The following RCHY1 variants were observed in gnomAD, a reference collection of about 807,000 sequenced individuals.
RCHY1 encodes the protein RING finger and CHY zinc finger domain-containing protein 1.
In RCHY1, 21 loss-of-function variants were observed where a neutral mutation model predicts 41.6. The observed-to-expected ratio is 0.51, with a 90% CI of 0.36 to 0.73. RCHY1 has a LOEUF of 0.73. Among genes scored for constraint, RCHY1 ranks in the 30% least tolerant of loss-of-function variants. The pLI is 0.00. For missense variants in RCHY1, 265 were observed against 325.3 expected (o/e 0.81, Z 1.43); for synonymous variants, 79 against 102.9 (o/e 0.77, Z 1.41).
Position 75,490,761 on chromosome 4 carries a change from T to C in RCHY1, c.537-60A>G, listed in dbSNP as rs573536038. 43 of 1,343,564 alleles carry C rather than the reference T, an allele frequency of 3.2e-5. No individual in the cohort carries two copies. The East Asian group carries it at 6.3e-4, about 20-fold the overall frequency. 83.2% of individuals were successfully genotyped at this position (1,343,564 alleles called of 1,614,324 possible). The stretch of plus-strand genomic sequence containing the variant: ...AAACAAGAATATATTAATTCAGGTA[T>C]ACAAGAAGATGCAGGCTAACTGCCA... On this transcript the variant is annotated intron_variant, in intron 7 of 8. Transcript: ENST00000324439.
chr4:75,514,071 A>C, intron 1 of RCHY1, 126 bp downstream of exon 1: 2 of 1,433,090 alleles, frequency 1.4e-6, no homozygotes, highest in South Asian at 1.4e-5. Context: ...ACCCAGTTCC[A>C]GGTGGAAAAG....
chr4:75,503,051 T>C (rs1280337598), intron 3 of RCHY1, among the ~76,000 whole-genome samples: 1 of 152,070 alleles, frequency 6.6e-6, no homozygotes, highest in East Asian at 1.9e-4. Context: ...AGACTGAAGG[T>C]TCTCCACCTA....
intron 8 of RCHY1, among the ~76,000 whole-genome samples, chr4:75,488,628 G>A (rs1446612188): frequency 6.6e-6 from 1 of 152,180 alleles, no homozygotes; most frequent in Non-Finnish European, 1.5e-5. Flanking sequence ...CACAATCCAA[G>A]TCAAATTACC....
At chr4:75,504,377 C>G (rs1257404954) in intron 3 of RCHY1, among the ~76,000 whole-genome samples, 1 of 152,198 alleles carries the variant, frequency 6.6e-6, no homozygotes, top group Non-Finnish European at 1.5e-5. Context: ...CTTCCTCCCT[C>G]TTTTCAGCCT....
At chr4:75,507,792 T>A (rs981425815) in intron 3 of RCHY1, among the ~76,000 whole-genome samples, 4 of 152,110 alleles carry the variant, frequency 2.6e-5, no homozygotes, top group African/African-American at 9.7e-5. Context: ...TTTAAGTATG[T>A]GACCGCTGAA....
At position 75,487,629 on chromosome 4, in the gene RCHY1, TAATATATATATTC is replaced by T. The variant is rs1366639494; in HGVS notation, c.657+2939_657+2951del. Among the ~76,000 whole-genome samples the T allele has an allele frequency of 3.3e-4, 4 of 12,252 alleles. 1 individual carries two copies. The highest frequency in any genetic ancestry group is 9.1e-4 in the African/African-American group (3 of 3,294). The allele number at this position is 12,252 out of a possible 152,430, so 8.0% of individuals were successfully genotyped here. On this transcript the variant is annotated intron_variant, in intron 8 of 8. Coordinates refer to ENST00000324439, the MANE Select transcript of RCHY1 (RefSeq NM_015436.4). ...TATATATTCATAATATATATATTCA[TAATATATATATTC>T]ATATATATTCATAATATATATATTC...
chr4:75,503,850 A>C (rs1385801108), intron 3 of RCHY1, among the ~76,000 whole-genome samples: 1 of 152,216 alleles, frequency 6.6e-6, no homozygotes, highest in African/African-American at 2.4e-5. Context: ...TGTACACCAA[A>C]ATTTACTTAA....
At chr4:75,495,040 ATTAG>A (rs1723068472) in intron 3 of RCHY1, among the ~76,000 whole-genome samples, 3 of 152,122 alleles carry the variant, frequency 2.0e-5, no homozygotes, top group African/African-American at 7.2e-5. Flanking sequence ...TATCATGAAT[ATTAG>A]TTATTTATAT....
intron 8 of RCHY1, among the ~76,000 whole-genome samples, chr4:75,484,593 G>A (rs1049905836): frequency 2.0e-5 from 3 of 152,072 alleles, no homozygotes; most frequent in African/African-American, 7.2e-5. Context: ...GGAAATATGA[G>A]AGCCAAAGCC....
intron 1 of RCHY1, chr4:75,509,836 C>A: frequency 6.0e-6 from 1 of 166,926 alleles, no homozygotes. Flanking sequence ...CCATGATTCT[C>A]AGGCCTCCCT....
At chr4:75,492,370 T>C (rs1271365075) in intron 4 of RCHY1, among the ~76,000 whole-genome samples, 1 of 152,020 alleles carries the variant, frequency 6.6e-6, no homozygotes, top group Non-Finnish European at 1.5e-5. Flanking sequence ...TTCAGCACAG[T>C]ACCTGTATAA....
chr4:75,508,690 T>G (rs963878042), intron 3 of RCHY1, 130 bp downstream of exon 3: 7 of 502,550 alleles, frequency 1.4e-5, no homozygotes, highest in Non-Finnish European at 2.5e-5. Context: ...TTATCAAAAC[T>G]CACTTAATTG....
intron 1 of RCHY1, among the ~76,000 whole-genome samples, chr4:75,512,996 TG>T (rs111447343): frequency 6.7e-6 from 1 of 150,162 alleles, no homozygotes; most frequent in African/African-American, 2.5e-5. Context: ...GTGTGGTTTA[TG>T]GGGGGCACCA....
Position 75,491,604 on chromosome 4 carries a change from C to T in RCHY1, c.536+7G>A. The T allele has an allele frequency of 6.2e-7, 1 of 1,600,172 alleles. No homozygotes were observed. Among genetic ancestry groups the T allele is most frequent in the South Asian group, 1.1e-5 (1 of 90,316 alleles). ...TTACAATTATTTTTAAAATCCCAAA[C>T]ACTCACTCTTTCAACATTTCTTCAT... is the stretch of plus-strand genomic sequence containing the variant. On this transcript the variant is annotated splice_region_variant and intron_variant, in intron 7 of 8. Coordinates refer to ENST00000324439, the MANE Select transcript of RCHY1 (RefSeq NM_015436.4).
rs981273139 is a variant in RCHY1, at chr4:75,481,237, G to A, written c.*1301C>T. 1 of 152,178 alleles carries A rather than the reference G, an allele frequency of 6.6e-6. No homozygotes were observed. Among genetic ancestry groups the A allele is most frequent in the African/African-American group, 2.4e-5 (1 of 41,446 alleles). 9.4% of individuals were successfully genotyped at this position (152,178 alleles called of 1,614,324 possible). The stretch of plus-strand genomic sequence containing the variant: ...AATTTCAACAAAAGAAGAAATAAAT[G>A]TGCCAGAACTCTTAGGCTTTCTAGT... On this transcript the variant is annotated 3_prime_UTR_variant, in exon 9 of 9. Transcript: ENST00000324439.
chr4:75,482,778 G>T, intron 8 of RCHY1, 112 bp from the exon 9 acceptor site: 1 of 685,842 alleles, frequency 1.5e-6, no homozygotes, highest in Non-Finnish European at 2.0e-6. Flanking sequence ...ACATACATAA[G>T]TCTAAAAATT....
At chr4:75,510,157 T>G (rs1724728066) in intron 1 of RCHY1, among the ~76,000 whole-genome samples, 1 of 152,102 alleles carries the variant, frequency 6.6e-6, no homozygotes, top group Non-Finnish European at 1.5e-5. Flanking sequence ...TCCACCAAAA[T>G]CTATCCTCTC....
At position 75,481,450 on chromosome 4, in the gene RCHY1, TG is replaced by T. The variant is rs1721516412; in HGVS notation, c.*1087del. 6.6e-6 allele frequency: 1 copy of T among 152,206 alleles called. No individual in the cohort carries two copies. Among genetic ancestry groups the T allele is most frequent in the South Asian group, 2.1e-4 (1 of 4,832 alleles). 9.4% of individuals were successfully genotyped at this position (152,206 alleles called of 1,614,324 possible). On this transcript the variant is annotated 3_prime_UTR_variant, in exon 9 of 9. Coordinates refer to ENST00000324439, the MANE Select transcript of RCHY1 (RefSeq NM_015436.4). Reference sequence around the variant, plus strand: ...CAAACATATTTGTTAACTTTGTTCCTGAAGTAAGAGGTATATTTAATTCCAC... The same window carrying T: ...CAAACATATTTGTTAACTTTGTTCCTAAGTAAGAGGTATATTTAATTCCAC...
At chr4:75,503,997 G>T (rs142548879) in intron 3 of RCHY1, among the ~76,000 whole-genome samples, 1 of 152,134 alleles carries the variant, frequency 6.6e-6, no homozygotes, top group Non-Finnish European at 1.5e-5. Flanking sequence ...AAGAAAGGTC[G>T]TCTTTTCTTC....
Sources: allele counts gnomAD v4.1 joint callset (sites outside exome capture counted in the v4.1 genomes callset), GRCh38; gene constraint gnomAD v4.1.1; transcripts MANE v1.5; gene names NCBI Gene and HGNC (gene_info 2026-07-23, HGNC 2026-07-21).